The following ECE1 variants were observed in gnomAD, a reference collection of about 807,000 sequenced individuals.
ECE1 encodes endothelin-converting enzyme 1.
A neutral mutation model predicts 98.6 loss-of-function variants in ECE1; 35 were observed. The observed-to-expected ratio is 0.35, with a 90% CI of 0.27 to 0.47. ECE1 has a LOEUF of 0.47. Among genes scored for constraint, ECE1 ranks in the 20% least tolerant of loss-of-function variants. The probability of loss-of-function intolerance (pLI) is 1.00; values close to 1 mark genes in which losing one functional copy is unlikely to be tolerated. For missense variants in ECE1, 814 were observed against 1,025.3 expected, an observed-to-expected ratio of 0.79 and a Z score of 2.81; for synonymous variants, 394 against 407.1, an observed-to-expected ratio of 0.97 and a Z score of 0.39.
In ECE1 at chr1:21,345,337, T is replaced by C; in HGVS notation, c.3+39A>G. 7.4e-7 allele frequency: 1 copy of C among 1,354,780 alleles called. No homozygotes were observed. Among genetic ancestry groups the C allele is most frequent in the Non-Finnish European group, 9.6e-7 (1 of 1,045,538 alleles). The allele number at this position is 1,354,780 out of a possible 1,614,324, so 83.9% of individuals were successfully genotyped here. On this transcript the variant is annotated intron_variant, in intron 1 of 18. Coordinates refer to the ECE1 transcript ENST00000415912. This position sits in a 1 kb window ranked among gnomAD's most constrained non-coding sequence, Gnocchi z 5.1. ...CACCGCTGCCCGCGACCGTCGAGGC[T>C]GGGCTGGACCGGACCAGACCTCCGC...
chr1:21,271,756 G>A (rs1232426721), intron 4 of ECE1, among the ~76,000 whole-genome samples: 1 of 152,132 alleles, frequency 6.6e-6, no homozygotes, highest in Non-Finnish European at 1.5e-5. Context: ...GCTCTAATCT[G>A]AGGAAAAACC....
At chr1:21,286,977 T>G (rs746407068) in intron 2 of ECE1, among the ~76,000 whole-genome samples, 7 of 151,848 alleles carry the variant, frequency 4.6e-5, no homozygotes, top group Non-Finnish European at 7.4e-5. Flanking sequence ...AGGTAGAATT[T>G]TGCTCTGGTT....
chr1:21,303,787 T>C (rs12723450), intron 1 of ECE1, among the ~76,000 whole-genome samples: 10,343 of 152,020 alleles, frequency 0.068, 475 homozygotes, highest in Middle Eastern at 0.13. Flanking sequence ...TAGCTGGGAC[T>C]AGGAGGCATG....
rs1437815921 is a variant in ECE1, at chr1:21,238,221, A to G, written c.1302T>C (p.Phe434=). Reference sequence around the variant, plus strand: ...GGTTGTTTTCTGTGTCACTCACGCAAAACTTCCAGCGAGGAAGACAGGTCT... The same window carrying G: ...GGTTGTTTTCTGTGTCACTCACGCAGAACTTCCAGCGAGGAAGACAGGTCT... ...TKKTCLPRWK[F]CVSDTENNLG... is the part of the protein sequence containing the mutation. The change falls in exon 11 of 19, where the codon TTT becomes TTC. Residue 434 remains phenylalanine (F), a synonymous_variant. Coordinates refer to ENST00000374893, the MANE Select transcript of ECE1 (RefSeq NM_001397.3). The G allele has an allele frequency of 6.2e-7, 1 of 1,614,232 alleles. No individual in the cohort carries two copies.
chr1:21,240,400 T>C (rs2098194565), intron 10 of ECE1, among the ~76,000 whole-genome samples: 1 of 151,644 alleles, frequency 6.6e-6, no homozygotes, highest in South Asian at 2.1e-4. Context: ...GGCACAAGAA[T>C]CGCTTGAACC....
chr1:21,331,277 G>A (rs903762944), intron 1 of ECE1, among the ~76,000 whole-genome samples: 3 of 152,128 alleles, frequency 2.0e-5, no homozygotes, highest in Non-Finnish European at 4.4e-5. Context: ...GTGGTGCAGC[G>A]CCTGTAGTCC....
At chr1:21,276,140 C>A (rs1396199892) in intron 3 of ECE1, among the ~76,000 whole-genome samples, 2 of 151,362 alleles carry the variant, frequency 1.3e-5, no homozygotes, top group African/African-American at 4.9e-5. Context: ...ATTCTCCTGC[C>A]TCAGCCTCCT....
chr1:21,299,192 A>G (rs1045062114), intron 1 of ECE1: 3 of 249,844 alleles, frequency 1.2e-5, no homozygotes, highest in Non-Finnish European at 2.5e-5. Context: ...GTCAGTTGTA[A>G]TTAGTATTTG....
chr1:21,315,385 A>G (rs559853358), intron 1 of ECE1, among the ~76,000 whole-genome samples: 54 of 152,286 alleles, frequency 3.5e-4, no homozygotes, highest in African/African-American at 1.2e-3. Flanking sequence ...CTCAGCCCCA[A>G]TGTCTGGGGT....
chr1:21,243,614 GGT>G (rs1305213572), intron 10 of ECE1, among the ~76,000 whole-genome samples: 1 of 152,132 alleles, frequency 6.6e-6, no homozygotes, highest in Non-Finnish European at 1.5e-5. Flanking sequence ...AGAATATGTG[GGT>G]GTATGTTCCA....
At chr1:21,236,930 C>T (rs2098189051) in intron 11 of ECE1, 86 bp from the exon 12 acceptor site, 10 of 1,272,350 alleles carry the variant, frequency 7.9e-6, no homozygotes, top group Middle Eastern at 1.9e-4. Flanking sequence ...CAATGATGGC[C>T]AGAGATTAAA....
Position 21,340,504 on chromosome 1 carries a change from T to C in ECE1, c.3+4872A>G, listed in dbSNP as rs2103420531. ...ATCACCACAAAGCAGCCTGTGACCA[T>C]CTCAGAATGCAAATCCGACCGTGTC... On this transcript the variant is annotated intron_variant, in intron 1 of 18. Coordinates refer to the ECE1 transcript ENST00000415912. This position sits in a 1 kb window ranked among gnomAD's most constrained non-coding sequence, Gnocchi z 4.6. Among the ~76,000 whole-genome samples, 1 of 152,320 alleles carries C rather than the reference T, an allele frequency of 6.6e-6. No individual in the cohort carries two copies. The highest frequency in any genetic ancestry group is 2.4e-5 in the African/African-American group (1 of 41,580).
intron 2 of ECE1, among the ~76,000 whole-genome samples, chr1:21,288,399 C>T (rs2098262908): frequency 6.6e-6 from 1 of 152,220 alleles, no homozygotes; most frequent in African/African-American, 2.4e-5. Context: ...GAGGCCATCA[C>T]CACTGAAAGA....
At chr1:21,267,547 T>A (rs949875366) in intron 4 of ECE1, among the ~76,000 whole-genome samples, 2 of 152,188 alleles carry the variant, frequency 1.3e-5, no homozygotes, top group African/African-American at 4.8e-5. Context: ...GACCTCCCAC[T>A]GGGTCCTTGC....
At chr1:21,227,846 C>T in intron 15 of ECE1, 85 bp downstream of exon 15, 1 of 1,089,250 alleles carries the variant, frequency 9.2e-7, no homozygotes, top group Non-Finnish European at 1.3e-6. Context: ...GCAAAGATCA[C>T]ATGGTGAGAC....
intron 10 of ECE1, among the ~76,000 whole-genome samples, chr1:21,240,726 C>A (rs1278808290): frequency 2.0e-5 from 3 of 152,208 alleles, no homozygotes; most frequent in African/African-American, 4.8e-5. Flanking sequence ...AAGCCCAAAG[C>A]TGGACACATG....
chr1:21,320,228 G>A (rs941835791), intron 1 of ECE1, among the ~76,000 whole-genome samples: 11 of 152,212 alleles, frequency 7.2e-5, no homozygotes, highest in Admixed American at 2.0e-4. Flanking sequence ...CCCCGCCCAC[G>A]ACTATCTCCA....
At chr1:21,287,403 G>A (rs952078267) in intron 2 of ECE1, among the ~76,000 whole-genome samples, 6 of 152,202 alleles carry the variant, frequency 3.9e-5, no homozygotes, top group African/African-American at 1.4e-4. Flanking sequence ...ACGTGCGCCT[G>A]TAATCCCAGC....
chr1:21,299,657 T>C (rs1355516965), intron 1 of ECE1: 1 of 152,222 alleles, frequency 6.6e-6, no homozygotes, highest in African/African-American at 2.4e-5. Flanking sequence ...CTCCTTGGAT[T>C]CTAATCCTTG....
Sources: gnomAD v4.1 joint callset for allele counts (sites outside exome capture counted in the v4.1 genomes callset) on GRCh38, gnomAD v4.1.1 for gene constraint, Gnocchi (gnomAD v3.1) non-coding constraint, MANE v1.5 for transcripts, NCBI Gene and HGNC (gene_info 2026-07-23, HGNC 2026-07-21) for gene names.